The following UNK variants were observed in gnomAD, a reference collection of about 807,000 sequenced individuals.
UNK encodes RING finger protein unkempt homolog.
UNK carries 32 observed loss-of-function variants against 97.6 expected under a neutral mutation model. That is an observed-to-expected ratio of 0.33 (90% CI 0.25 to 0.44). The LOEUF is 0.44. Ranked by LOEUF, UNK falls within the 20% of genes least tolerant of loss-of-function variation. The pLI is 1.00. For missense variants in UNK, 771 were observed against 1,098.4 expected (o/e 0.70, Z 4.21); for synonymous variants, 441 against 461.2 (o/e 0.96, Z 0.56).
Position 75,820,892 on chromosome 17 carries a change from G to T in UNK, c.1837+784G>T, listed in dbSNP as rs1224079686. On this transcript the variant is annotated intron_variant, in intron 13 of 15. Coordinates refer to ENST00000589666, the MANE Select transcript of UNK (RefSeq NM_001080419.3). ...ATGAGCCCTTCAGAGTTCTGATTGG[G>T]TTTGGTGGCTTCCCTTATCTCATTC... 2.0e-5 allele frequency among the ~76,000 whole-genome samples: 3 copies of T among 152,152 alleles called. No homozygotes were observed. The East Asian group carries it at 5.8e-4, about 29-fold the overall frequency.
chr17:75,787,894 AG>A (rs1231657173), intron 1 of UNK, among the ~76,000 whole-genome samples: 2 of 150,892 alleles, frequency 1.3e-5, no homozygotes, highest in African/African-American at 4.9e-5. Flanking sequence ...GGGCTCAAGC[AG>A]TCCTGCCTTA....
At chr17:75,797,343 G>A (rs1202894149) in intron 1 of UNK, among the ~76,000 whole-genome samples, 1 of 152,160 alleles carries the variant, frequency 6.6e-6, no homozygotes, top group Non-Finnish European at 1.5e-5. Flanking sequence ...TCAAGCAGTT[G>A]TCTGCCTCAG....
chr17:75,797,928 C>T (rs1249211190), intron 1 of UNK, among the ~76,000 whole-genome samples: 2 of 152,182 alleles, frequency 1.3e-5, no homozygotes, highest in East Asian at 3.8e-4. Flanking sequence ...TCTTAGTTGT[C>T]TGGAGGCCAT....
At chr17:75,802,223 A>AT (rs1483551943) in intron 1 of UNK, among the ~76,000 whole-genome samples, 3 of 91,460 alleles carry the variant, frequency 3.3e-5, no homozygotes, top group African/African-American at 4.1e-5. Context: ...ATGCTGATGG[A>AT]TTTTTTCAGC....
intron 1 of UNK, among the ~76,000 whole-genome samples, chr17:75,808,343 G>T (rs2061937434): frequency 6.6e-6 from 1 of 152,184 alleles, no homozygotes; most frequent in South Asian, 2.1e-4. Context: ...CCAGATTTCT[G>T]CCTGGGGTCT....
chr17:75,817,516 T>G lies in UNK; in HGVS notation c.1295T>G (p.Phe432Cys), dbSNP rs531462269. The G allele has an allele frequency of 2.5e-6, 4 of 1,608,354 alleles. No homozygotes were observed. The highest frequency in any genetic ancestry group is 1.1e-5 in the South Asian group (1 of 90,668). ...GTGGGAGCCGAGTACCTGAAAAATTTCAAATGCCAGGTAAGGGATGAGGGA... is the reference window on the plus strand; with the variant it reads ...GTGGGAGCCGAGTACCTGAAAAATTGCAAATGCCAGGTAAGGGATGAGGGA... ...DQVGAEYLKN[F>C]KCQAKLKPHS... The change falls in exon 9 of 16, where the codon TTC becomes TGC. Residue 432 changes from phenylalanine to cysteine, a missense_variant. Coordinates refer to ENST00000589666, the MANE Select transcript of UNK (RefSeq NM_001080419.3). The surrounding 1 kb of genome is among the most constrained non-coding windows in gnomAD (Gnocchi z 5.8).
At chr17:75,813,242 G>T in intron 5 of UNK, 29 bp downstream of exon 5, 1 of 1,555,102 alleles carries the variant, frequency 6.4e-7, no homozygotes, top group Admixed American at 1.9e-5. Flanking sequence ...GCCAGCCACG[G>T]GAGGGAGGAG....
intron 1 of UNK, among the ~76,000 whole-genome samples, chr17:75,800,296 C>T (rs1032617799): frequency 1.3e-5 from 2 of 152,068 alleles, no homozygotes; most frequent in South Asian, 4.1e-4. Flanking sequence ...GTCTCCAATT[C>T]CTGAGCTCAA....
At chr17:75,789,515 T>G (rs1330275072) in intron 1 of UNK, among the ~76,000 whole-genome samples, 1 of 152,026 alleles carries the variant, frequency 6.6e-6, no homozygotes, top group African/African-American at 2.4e-5. Flanking sequence ...TCTTTGTATT[T>G]TTAGTAGAGA....
In UNK at chr17:75,817,269, C is replaced by A. The variant is rs1022277618; in HGVS notation, c.1105-57C>A. On this transcript the variant is annotated intron_variant, in intron 8 of 15. Coordinates refer to ENST00000589666, the MANE Select transcript of UNK (RefSeq NM_001080419.3). The surrounding 1 kb of genome is among the most constrained non-coding windows in gnomAD (Gnocchi z 5.8). ...CCCTCTGGAGAGGGTGGAGGATGGGCCACGCACCAGCCTGCGCTGTGCCCA... is the reference window on the plus strand; with the variant it reads ...CCCTCTGGAGAGGGTGGAGGATGGGACACGCACCAGCCTGCGCTGTGCCCA... The A allele has an allele frequency of 8.0e-5, 119 of 1,486,496 alleles. No individual in the cohort carries two copies. The highest frequency in any genetic ancestry group is 1.1e-4 in the Admixed American group (5 of 45,030). 92.1% of individuals were successfully genotyped at this position (1,486,496 alleles called of 1,614,324 possible).
chr17:75,795,823 GAC>G (rs951484662), intron 1 of UNK, among the ~76,000 whole-genome samples: 7 of 152,272 alleles, frequency 4.6e-5, no homozygotes, highest in Middle Eastern at 3.4e-3. Context: ...AGGGACCATG[GAC>G]ACACAGGACT....
At chr17:75,796,427 T>C (rs1354692898) in intron 1 of UNK, among the ~76,000 whole-genome samples, 1 of 151,852 alleles carries the variant, frequency 6.6e-6, no homozygotes, top group Non-Finnish European at 1.5e-5. Flanking sequence ...CAAATGATCC[T>C]CTCACTTCAG....
At chr17:75,821,730 C>T (rs1015542253) in intron 13 of UNK, 2 of 456,392 alleles carry the variant, frequency 4.4e-6, no homozygotes, top group Non-Finnish European at 8.8e-6. Flanking sequence ...GGATATGGGT[C>T]CTTCTCGGAA....
In UNK at chr17:75,816,932, A is replaced by C. The variant is rs1352267125; in HGVS notation, c.1104+20A>C. The stretch of plus-strand genomic sequence containing the variant: ...AGTGCCGTACGTGTCCATCCTGGGG[A>C]GTGGGTGGGCACCATGCCTGACAGA... On this transcript the variant is annotated intron_variant, in intron 8 of 15. Coordinates refer to ENST00000589666, the MANE Select transcript of UNK (RefSeq NM_001080419.3). The surrounding 1 kb of genome is among the most constrained non-coding windows in gnomAD (Gnocchi z 4.0). The C allele has an allele frequency of 2.5e-6, 4 of 1,591,836 alleles. No individual in the cohort carries two copies. In the South Asian group the frequency reaches 3.4e-5, roughly 13 times the overall value.
chr17:75,805,932 A>T (rs754570189), intron 1 of UNK, among the ~76,000 whole-genome samples: 12 of 151,450 alleles, frequency 7.9e-5, no homozygotes, highest in Non-Finnish European at 1.2e-4. Context: ...CAACTTTGCA[A>T]ATTGTTATCC....
chr17:75,818,258 T>A lies in UNK; in HGVS notation c.1371+90T>A. 6.9e-7 allele frequency: 1 copy of A among 1,451,686 alleles called. No homozygotes were observed. The highest frequency in any genetic ancestry group is 9.5e-7 in the Non-Finnish European group (1 of 1,054,684). The allele number at this position is 1,451,686 out of a possible 1,614,324, so 89.9% of individuals were successfully genotyped here. On this transcript the variant is annotated intron_variant, in intron 10 of 15. Transcript: ENST00000589666. This position sits in a 1 kb window ranked among gnomAD's most constrained non-coding sequence, Gnocchi z 5.1. ...GGCTTCGGGGAGTGGGAGGCACCAC[T>A]TTTCCCAAAAGCTGAGGGCAGGACT...
At chr17:75,802,079 C>G (rs2061865009) in intron 1 of UNK, among the ~76,000 whole-genome samples, 1 of 151,580 alleles carries the variant, frequency 6.6e-6, no homozygotes, top group Non-Finnish European at 1.5e-5. Flanking sequence ...AACTCCTGAC[C>G]CTAAGTGATT....
intron 1 of UNK, among the ~76,000 whole-genome samples, chr17:75,793,212 G>A (rs191702144): frequency 6.6e-6 from 1 of 152,126 alleles, no homozygotes; most frequent in Non-Finnish European, 1.5e-5. Context: ...CCTGGGGTGG[G>A]TGGGAGGTGG....
Position 75,816,810 on chromosome 17 carries a change from G to T in UNK, c.1002G>T (p.Val334=), listed in dbSNP as rs1444760668. The T allele has an allele frequency of 1.9e-6, 3 of 1,606,628 alleles. No homozygotes were observed. The highest frequency in any genetic ancestry group is 1.3e-5 in the African/African-American group (1 of 74,874). The change falls in exon 8 of 16, where the codon GTG becomes GTT. Residue 334 remains valine, a synonymous_variant. Coordinates refer to ENST00000589666, the MANE Select transcript of UNK (RefSeq NM_001080419.3). The surrounding 1 kb of genome is among the most constrained non-coding windows in gnomAD (Gnocchi z 4.0). ...LSDDLQPSSA[V]SSPTQPGPVL... The stretch of plus-strand genomic sequence containing the variant: ...ACGACCTGCAGCCTTCCTCAGCTGT[G>T]TCCAGCCCCACCCAGCCAGGTCCTG...
Sources: gnomAD v4.1 joint callset for allele counts (sites outside exome capture counted in the v4.1 genomes callset) on GRCh38, gnomAD v4.1.1 for gene constraint, Gnocchi (gnomAD v3.1) non-coding constraint, MANE v1.5 for transcripts, NCBI Gene and HGNC (gene_info 2026-07-23, HGNC 2026-07-21) for gene names.